PARP8: variants seen among roughly 807,000 people sequenced by gnomAD.
PARP8 encodes the protein protein mono-ADP-ribosyltransferase PARP8.
Under a neutral mutation model 124.1 loss-of-function variants are expected in PARP8, and 51 were observed. The ratio of observed to expected loss-of-function variants is 0.41; its 90% CI spans 0.33 to 0.52. The LOEUF (loss-of-function observed/expected upper bound fraction) is 0.52, where lower values mean the gene tolerates loss of function less well. PARP8 is among the 20% of genes least tolerant of loss of function. PARP8 has a pLI of 0.21. For missense variants in PARP8, 860 were observed against 1,018.9 expected, an observed-to-expected ratio of 0.84 and a Z score of 2.12; for synonymous variants, 391 against 361.5, an observed-to-expected ratio of 1.08 and a Z score of -0.93.
At chr5:50,755,046 A>G (rs1206799254) in intron 3 of PARP8, among the ~76,000 whole-genome samples, 4 of 151,962 alleles carry the variant, frequency 2.6e-5, no homozygotes, top group Admixed American at 2.0e-4. Flanking sequence ...TTTCTTGTAC[A>G]TTTGTTGGAG....
intron 2 of PARP8, among the ~76,000 whole-genome samples, chr5:50,669,714 A>C (rs775417895): frequency 5.3e-5 from 8 of 152,238 alleles, no homozygotes; most frequent in Non-Finnish European, 4.4e-5. Flanking sequence ...TGAATAATTA[A>C]GCGAGATAAC....
At position 50,841,504 on chromosome 5, in the gene PARP8, A is replaced by G. The variant is rs570692571; in HGVS notation, c.2463-462A>G. 3.9e-5 allele frequency among the ~76,000 whole-genome samples: 6 copies of G among 152,014 alleles called. No homozygotes were observed. In the South Asian group the frequency reaches 1.2e-3, roughly 31 times the overall value. ...GGGCAGCACTGATTATGGCTGAATA[A>G]TTATTAGAAGGCAGGCATGGCAAAG... On this transcript the variant is annotated intron_variant, in intron 25 of 25. Coordinates refer to ENST00000281631, the MANE Select transcript of PARP8 (RefSeq NM_024615.4).
At position 50,834,543 on chromosome 5, in the gene PARP8, C is replaced by A. The variant is rs1747349439; in HGVS notation, c.2378-388C>A. 3.9e-5 allele frequency among the ~76,000 whole-genome samples: 6 copies of A among 152,174 alleles called. No individual in the cohort carries two copies. The South Asian group carries it at 1.2e-3, about 32-fold the overall frequency. On this transcript the variant is annotated intron_variant, in intron 24 of 25. Coordinates refer to ENST00000281631, the MANE Select transcript of PARP8 (RefSeq NM_024615.4). ...TTGTTCTTGCTTTAAAATATGACTG[C>A]CTAAAAATTCATTTTTTCTTCTTGT...
chr5:50,819,700 C>G (rs765600687), intron 15 of PARP8, among the ~76,000 whole-genome samples: 2 of 151,992 alleles, frequency 1.3e-5, no homozygotes, highest in Admixed American at 6.6e-5. Context: ...CTTGGCCTCC[C>G]AAACAAAGTG....
At chr5:50,683,405 T>C (rs1751503194) in intron 2 of PARP8, among the ~76,000 whole-genome samples, 1 of 152,172 alleles carries the variant, frequency 6.6e-6, no homozygotes, top group Non-Finnish European at 1.5e-5. Context: ...ATTTTACAAA[T>C]GTTTGTTGAA....
intron 3 of PARP8, among the ~76,000 whole-genome samples, chr5:50,751,141 C>T (rs1262153463): frequency 1.3e-5 from 2 of 152,044 alleles, no homozygotes; most frequent in Non-Finnish European, 2.9e-5. Flanking sequence ...CAAATTAAAG[C>T]CCAGGTTGAA....
intron 10 of PARP8, among the ~76,000 whole-genome samples, chr5:50,793,786 A>G (rs1742223522): frequency 6.6e-6 from 1 of 152,138 alleles, no homozygotes. Context: ...AATAAATAGC[A>G]TTATAATTAG....
intron 2 of PARP8, among the ~76,000 whole-genome samples, chr5:50,681,337 G>T (rs553817071): frequency 5.5e-4 from 83 of 152,024 alleles, no homozygotes; most frequent in African/African-American, 1.9e-3. Flanking sequence ...CCTAAAATTA[G>T]GTGAATTCAG....
At chr5:50,826,070 T>G (rs1425231244) in intron 18 of PARP8, among the ~76,000 whole-genome samples, 3 of 152,158 alleles carry the variant, frequency 2.0e-5, no homozygotes, top group African/African-American at 7.2e-5. Flanking sequence ...AGGTAAAAAT[T>G]GCATATATCT....
intron 2 of PARP8, among the ~76,000 whole-genome samples, chr5:50,698,236 G>T (rs946070420): frequency 1.3e-5 from 2 of 152,174 alleles, no homozygotes; most frequent in Admixed American, 6.5e-5. Context: ...AAACCTCAGA[G>T]AACAAAACAT....
chr5:50,760,362 G>A lies in PARP8; in HGVS notation c.345G>A (p.Glu115=). Residue 115 remains glutamate, a splice_region_variant and synonymous_variant, in exon 5 of 26, where the codon GAG becomes GAA. Transcript: ENST00000281631. ...CCAAATTACAAAAGGAAAATGGGGA[G>A]GTATGTAAATTATATTTTTTATTTT... ...IKSKLQKENG[E]ESRQNSTVEE... The A allele has an allele frequency of 6.6e-7, 1 of 1,510,864 alleles. No homozygotes were observed. Among genetic ancestry groups the A allele is most frequent in the Admixed American group, 1.9e-5 (1 of 52,560 alleles). The allele number at this position is 1,510,864 out of a possible 1,614,324, so 93.6% of individuals were successfully genotyped here.
At chr5:50,690,375 C>A (rs1239084631) in intron 2 of PARP8, among the ~76,000 whole-genome samples, 1 of 152,028 alleles carries the variant, frequency 6.6e-6, no homozygotes, top group Non-Finnish European at 1.5e-5. Context: ...AAGAGAGATC[C>A]CTAGTGCTGC....
rs1745000783 is a variant in PARP8, at chr5:50,815,473, A to G, written c.1617A>G (p.Gln539=). Residue 539 remains glutamine (Q), a synonymous_variant, in exon 15 of 26, where the codon CAA becomes CAG. Transcript: ENST00000281631. ...GGGAGCTGTGTGTGTTTGCTTTTCA[A>G]ACCCTGGGAGTAATGAATGAAGCTG... ...CERELCVFAF[Q]TLGVMNEAAD... The G allele has an allele frequency of 1.2e-6, 2 of 1,600,476 alleles. No homozygotes were observed. The highest frequency in any genetic ancestry group is 2.7e-5 in the African/African-American group (2 of 73,688).
At chr5:50,770,849 C>T (rs1761551015) in intron 7 of PARP8, among the ~76,000 whole-genome samples, 1 of 151,990 alleles carries the variant, frequency 6.6e-6, no homozygotes, top group Non-Finnish European at 1.5e-5. Flanking sequence ...GAACTAGAGG[C>T]AGAGATGAAA....
intron 14 of PARP8, among the ~76,000 whole-genome samples, chr5:50,806,315 C>T (rs949346249): frequency 3.3e-5 from 5 of 151,942 alleles, no homozygotes; most frequent in African/African-American, 1.2e-4. Flanking sequence ...GAATTGACTA[C>T]ATTTATGTTC....
rs1374584984 is a variant in PARP8, at chr5:50,842,283, A to C, written c.*215A>C. The C allele has an allele frequency of 2.8e-6, 1 of 361,866 alleles. No homozygotes were observed. Among genetic ancestry groups the C allele is most frequent in the Non-Finnish European group, 5.0e-6 (1 of 201,916 alleles). 22.4% of individuals were successfully genotyped at this position (361,866 alleles called of 1,614,324 possible). A position where few individuals can be genotyped will look rare whatever the true frequency, so the allele number is the denominator to read the frequency against. On this transcript the variant is annotated 3_prime_UTR_variant, in exon 26 of 26. Transcript: ENST00000281631. ...TAGGGTTATGGAATCTAGTAATAAA[A>C]TTTCAACAGCACTTAAACTGAAGTT...
At chr5:50,796,006 CT>C (rs1742501593) in intron 12 of PARP8, among the ~76,000 whole-genome samples, 1 of 152,142 alleles carries the variant, frequency 6.6e-6, no homozygotes, top group South Asian at 2.1e-4. Flanking sequence ...CAGAAGATGA[CT>C]TCAATAATTT....
intron 14 of PARP8, among the ~76,000 whole-genome samples, chr5:50,805,803 C>G (rs1461747629): frequency 1.3e-5 from 2 of 151,912 alleles, no homozygotes. Flanking sequence ...TTTTGCCAGT[C>G]AACTTTTCTC....
At chr5:50,817,202 A>T (rs148844349) in intron 15 of PARP8, among the ~76,000 whole-genome samples, 1 of 152,244 alleles carries the variant, frequency 6.6e-6, no homozygotes, top group South Asian at 2.1e-4. Flanking sequence ...TTGTTACATC[A>T]TAAAATTAAT....
Sources: gnomAD v4.1 joint callset for allele counts (sites outside exome capture counted in the v4.1 genomes callset) on GRCh38, gnomAD v4.1.1 for gene constraint, MANE v1.5 for transcripts, NCBI Gene and HGNC (gene_info 2026-07-23, HGNC 2026-07-21) for gene names.